The following ATP6V0A4 variants were observed in gnomAD, a reference collection of about 807,000 sequenced individuals.
The protein encoded by ATP6V0A4 is ATPase H+ transporting V0 subunit a4.
A neutral mutation model predicts 107.3 loss-of-function variants in ATP6V0A4; 86 were observed. The ratio of observed to expected loss-of-function variants is 0.80; its 90% CI spans 0.67 to 0.96. ATP6V0A4 has a LOEUF of 0.96. Among genes scored for constraint, ATP6V0A4 ranks in the 40% least tolerant of loss-of-function variants. The pLI, the probability that ATP6V0A4 is intolerant of heterozygous loss-of-function variation, is 0.00. For synonymous variants in ATP6V0A4, 353 were observed against 381.4 expected (o/e 0.93, Z 0.87); for missense variants, 908 against 1,045.6 (o/e 0.87, Z 1.81).
intron 21 of ATP6V0A4, among the ~76,000 whole-genome samples, chr7:138,708,722 A>G (rs1562973906): frequency 6.6e-6 from 1 of 151,892 alleles, no homozygotes; most frequent in Non-Finnish European, 1.5e-5. Context: ...TTCTCTTTCC[A>G]CTTTTGAGAT....
At chr7:138,797,835 C>T (rs142105903) in intron 1 of ATP6V0A4, 199 bp downstream of exon 1, 24 of 587,054 alleles carry the variant, frequency 4.1e-5, no homozygotes, top group African/African-American at 1.7e-4. Context: ...ACAATATTTG[C>T]GCTCAGGGGA....
At chr7:138,771,872 T>C (rs774363960) in intron 2 of ATP6V0A4, among the ~76,000 whole-genome samples, 4 of 119,288 alleles carry the variant, frequency 3.4e-5, no homozygotes, top group Non-Finnish European at 5.7e-5. Flanking sequence ...CCTCCCACTC[T>C]GGTCTCTCAA....
At chr7:138,718,204 GT>G (rs1804187909) in intron 19 of ATP6V0A4, among the ~76,000 whole-genome samples, 4 of 45,180 alleles carry the variant, frequency 8.9e-5, no homozygotes, top group Admixed American at 2.7e-4. Context: ...AGGAATGGGT[GT>G]GTGTGTGTGT....
chr7:138,721,345 C>T (rs1240676794), intron 19 of ATP6V0A4, among the ~76,000 whole-genome samples: 1 of 152,092 alleles, frequency 6.6e-6, no homozygotes, highest in Non-Finnish European at 1.5e-5. Context: ...TCAAGATCAG[C>T]CTGGCCAACA....
intron 5 of ATP6V0A4, among the ~76,000 whole-genome samples, chr7:138,764,353 G>A (rs920242460): frequency 6.6e-6 from 1 of 151,812 alleles, no homozygotes; most frequent in Non-Finnish European, 1.5e-5. Flanking sequence ...TACCTTACAT[G>A]TTTTATAAAA....
At chr7:138,714,350 T>G (rs894257706) in intron 20 of ATP6V0A4, among the ~76,000 whole-genome samples, 2 of 151,658 alleles carry the variant, frequency 1.3e-5, no homozygotes, top group African/African-American at 4.9e-5. Context: ...GACCCAGAGA[T>G]CAAGATGGGG....
chr7:138,718,279 G>GGT (rs777538832), intron 19 of ATP6V0A4, among the ~76,000 whole-genome samples: 379 of 12,896 alleles, frequency 0.029, 5 homozygotes, highest in African/African-American at 0.053. Context: ...AAGGAATGGC[G>GGT]GTGTGTGTGT....
chr7:138,708,711 C>T (rs539868125), intron 21 of ATP6V0A4, among the ~76,000 whole-genome samples: 2 of 152,312 alleles, frequency 1.3e-5, no homozygotes, highest in South Asian at 2.1e-4. Flanking sequence ...TGGTACCCTC[C>T]TTCTCTTTCC....
intron 15 of ATP6V0A4, among the ~76,000 whole-genome samples, chr7:138,737,580 T>G (rs1245420893): frequency 6.0e-5 from 1 of 16,696 alleles, no homozygotes; most frequent in Non-Finnish European, 1.1e-4. Context: ...TTTCTTTTTC[T>G]TTTTTTTTTT....
chr7:138,706,382 T>A lies in ATP6V0A4; in HGVS notation c.*242A>T, dbSNP rs184174235. 1.2e-4 allele frequency: 62 copies of A among 526,158 alleles called. No homozygotes were observed. The highest frequency in any genetic ancestry group is 1.1e-3 in the African/African-American group (57 of 52,416). The allele number at this position is 526,158 out of a possible 1,614,324, so 32.6% of individuals were successfully genotyped here. On this transcript the variant is annotated 3_prime_UTR_variant, in exon 22 of 22. Coordinates refer to ENST00000310018, the MANE Select transcript of ATP6V0A4 (RefSeq NM_020632.3). ...TTAGCATTCTCCCCTCATTTGTCAATTACTTTATTATTTGAGAATTAATAC... is the reference window on the plus strand; with the variant it reads ...TTAGCATTCTCCCCTCATTTGTCAAATACTTTATTATTTGAGAATTAATAC...
chr7:138,718,587 A>C lies in ATP6V0A4; in HGVS notation c.2140-2706T>G, dbSNP rs144414177. ...AGACATCCGGAGAGGCATGGGGCGG[A>C]ATGGGGAGGAATGGGGAGGAATGGG... On this transcript the variant is annotated intron_variant, in intron 19 of 21. Coordinates refer to ENST00000310018, the MANE Select transcript of ATP6V0A4 (RefSeq NM_020632.3). Among the ~76,000 whole-genome samples, 169 of 52,270 alleles carry C rather than the reference A, an allele frequency of 3.2e-3. 2 individuals are homozygous for C. Among genetic ancestry groups the C allele is most frequent in the Non-Finnish European group, 4.5e-3 (127 of 28,194 alleles). 34.3% of individuals were successfully genotyped at this position (52,270 alleles called of 152,430 possible). A position where few individuals can be genotyped will look rare whatever the true frequency, so the allele number is the denominator to read the frequency against.
chr7:138,775,644 A>ATTTTT (rs36128448), intron 2 of ATP6V0A4, among the ~76,000 whole-genome samples: 5 of 89,078 alleles, frequency 5.6e-5, no homozygotes, highest in Non-Finnish European at 1.1e-4. Flanking sequence ...GATTGGGCTG[A>ATTTTT]TTTTTTTTTT....
Position 138,798,060 on chromosome 7 carries a change from G to T in ATP6V0A4, c.-147C>A. 1 of 1,564,956 alleles carries T rather than the reference G, an allele frequency of 6.4e-7. No homozygotes were observed. The highest frequency in any genetic ancestry group is 2.4e-5 in the East Asian group (1 of 41,974). On this transcript the variant is annotated 5_prime_UTR_variant, in exon 1 of 22. Coordinates refer to ENST00000310018, the MANE Select transcript of ATP6V0A4 (RefSeq NM_020632.3). ...TGCAGCAGGCACTCGGCACAACTCC[G>T]CAGGACCGGCTCACCTGCACCGGGC...
At position 138,762,930 on chromosome 7, in the gene ATP6V0A4, G is replaced by T; in HGVS notation, c.387C>A (p.Tyr129Ter). ...QSFLELTELKYLLKKTQDFFE... is the reference protein window; with the variant it reads ...QSFLELTELK ...AGAAGTCTTGGGTTTTCTTCAGGAG[G>T]TATTTCAGTTCTGTCAGTTCTAGGA... The change falls in exon 6 of 22, where the codon TAC (tyrosine) becomes TAA (stop). Residue 129 changes from tyrosine (Y) to a stop codon, truncating the protein, a stop_gained. Transcript: ENST00000310018. LOFTEE classifies it high-confidence loss of function. 1.9e-6 allele frequency: 3 copies of T among 1,614,092 alleles called. No individual in the cohort carries two copies. Among genetic ancestry groups the T allele is most frequent in the Middle Eastern group, 1.6e-4 (1 of 6,062 alleles).
chr7:138,792,770 T>G (rs553430632), intron 1 of ATP6V0A4, among the ~76,000 whole-genome samples: 10 of 80,694 alleles, frequency 1.2e-4, no homozygotes, highest in South Asian at 4.6e-4. Flanking sequence ...AGGTTTGTTT[T>G]TTTTTTTGTT....
intron 18 of ATP6V0A4, among the ~76,000 whole-genome samples, chr7:138,722,573 C>T (rs1321746033): frequency 1.3e-5 from 2 of 148,556 alleles, no homozygotes; most frequent in African/African-American, 2.5e-5. Context: ...CCTGGCACCC[C>T]GTCTCTATTA....
At chr7:138,752,449 C>T (rs1312723654) in intron 11 of ATP6V0A4, among the ~76,000 whole-genome samples, 176 bp downstream of exon 11, 1 of 151,364 alleles carries the variant, frequency 6.6e-6, no homozygotes, top group Non-Finnish European at 1.5e-5. Flanking sequence ...ACTGAAAAGA[C>T]AAAGGAATTT....
intron 16 of ATP6V0A4, among the ~76,000 whole-genome samples, chr7:138,733,572 C>CTTTTTTTTTTTTTTTTTTTTTTTTTTTT (rs3080537): frequency 1.1e-5 from 1 of 87,076 alleles, no homozygotes; most frequent in Non-Finnish European, 2.2e-5. Context: ...AATGGTTTCT[C>CTTTTTTTTTTTTTTTTTTTTTTTTTTTT]TTTTTTTTTT....
intron 1 of ATP6V0A4, among the ~76,000 whole-genome samples, chr7:138,792,875 G>A (rs1034589926): frequency 6.6e-6 from 1 of 150,964 alleles, no homozygotes; most frequent in Non-Finnish European, 1.5e-5. Flanking sequence ...TCTTGAACAG[G>A]GTTTTAGAAA....
Sources: gnomAD v4.1 joint callset for allele counts (sites outside exome capture counted in the v4.1 genomes callset) on GRCh38, gnomAD v4.1.1 for gene constraint, MANE v1.5 for transcripts, NCBI Gene and HGNC (gene_info 2026-07-23, HGNC 2026-07-21) for gene names.